Variants in RAC1 observed in about 807,000 individuals in gnomAD.
RAC1 encodes the protein Rac family small GTPase 1, also known as ras-related C3 botulinum toxin substrate 1.
A neutral mutation model predicts 25.2 loss-of-function variants in RAC1; 2 were observed. The observed-to-expected ratio is 0.08, with a 90% CI of 0.03 to 0.25. RAC1 has a LOEUF of 0.25. RAC1 is among the 10% of genes least tolerant of loss of function. The probability of loss-of-function intolerance (pLI) is 1.00; values close to 1 mark genes in which losing one functional copy is unlikely to be tolerated. For synonymous variants in RAC1, 88 were observed against 94.0 expected, an observed-to-expected ratio of 0.94 and a Z score of 0.37; for missense variants, 50 against 235.7, an observed-to-expected ratio of 0.21 and a Z score of 5.16.
At chr7:6,398,495 G>A (rs1783309345) in intron 3 of RAC1, among the ~76,000 whole-genome samples, 1 of 152,218 alleles carries the variant, frequency 6.6e-6, no homozygotes, top group Non-Finnish European at 1.5e-5. Flanking sequence ...AGCGTGGAGT[G>A]TTTCAGTGGC....
chr7:6,397,041 A>AC (rs1465890844), intron 3 of RAC1, among the ~76,000 whole-genome samples: 1 of 104,366 alleles, frequency 9.6e-6, no homozygotes, highest in Non-Finnish European at 2.0e-5. Context: ...AAAAACAAAA[A>AC]AAAAAAAAAA....
chr7:6,403,852 A>T lies in RAC1; in HGVS notation c.*1406A>T. On this transcript the variant is annotated 3_prime_UTR_variant, in exon 6 of 6. Transcript: ENST00000348035. The stretch of plus-strand genomic sequence containing the variant: ...CAGCGTGGGACCCTTCAGCCACTAC[A>T]ACAGAATTTTTTAAATTGACAGTTG... 1 of 223,004 alleles carries T rather than the reference A, an allele frequency of 4.5e-6. No homozygotes were observed. The highest frequency in any genetic ancestry group is 6.5e-5 in the East Asian group (1 of 15,290). 13.8% of individuals were successfully genotyped at this position (223,004 alleles called of 1,614,324 possible).
rs745319427 is a variant in RAC1 at position 6,387,205 on chromosome 7, T to C, written c.36-7T>C. ...GACTAAGCAACCTTTTTTCTCTTTC[T>C]CTTTAGAGCTGTAGGTAAAACTTGC... On this transcript the variant is annotated splice_polypyrimidine_tract_variant and splice_region_variant and intron_variant, in intron 1 of 5. Coordinates refer to ENST00000348035, the MANE Select transcript of RAC1 (RefSeq NM_006908.5). 8 of 1,546,992 alleles carry C rather than the reference T, an allele frequency of 5.2e-6. No individual in the cohort carries two copies. Among genetic ancestry groups the C allele is most frequent in the Admixed American group, 4.3e-5 (2 of 46,862 alleles).
rs527680624 is a variant in RAC1, at chr7:6,403,796, T to A, written c.*1350T>A. 4 of 215,046 alleles carry A rather than the reference T, an allele frequency of 1.9e-5. No homozygotes were observed. The South Asian group carries it at 7.4e-4, about 40-fold the overall frequency. The allele number at this position is 215,046 out of a possible 1,614,324, so 13.3% of individuals were successfully genotyped here. A position where few individuals can be genotyped will look rare whatever the true frequency, so the allele number is the denominator to read the frequency against. On this transcript the variant is annotated 3_prime_UTR_variant, in exon 6 of 6. Coordinates refer to ENST00000348035, the MANE Select transcript of RAC1 (RefSeq NM_006908.5). ...GTAAACTGTGCTAGTGCTGACGATG[T>A]TCTGTACAACTTAACTCACTGGCGA... is the stretch of plus-strand genomic sequence containing the variant.
intron 1 of RAC1, chr7:6,375,826 A>G (rs1453322991): frequency 6.6e-6 from 1 of 152,058 alleles, no homozygotes; most frequent in South Asian, 2.1e-4. Context: ...GAGGAAGACA[A>G]AACTTGTCTT....
chr7:6,381,880 T>C (rs1346755371), intron 1 of RAC1, among the ~76,000 whole-genome samples: 1 of 152,206 alleles, frequency 6.6e-6, no homozygotes, highest in East Asian at 1.9e-4. Context: ...CCCCATACCT[T>C]GTTTGTCAGT....
chr7:6,378,011 C>T (rs192267257), intron 1 of RAC1, among the ~76,000 whole-genome samples: 1 of 152,244 alleles, frequency 6.6e-6, no homozygotes, highest in African/African-American at 2.4e-5. Flanking sequence ...TCCATCCTGC[C>T]CTCCTGTGCC....
chr7:6,376,359 T>G (rs954493504), intron 1 of RAC1, among the ~76,000 whole-genome samples: 10 of 151,604 alleles, frequency 6.6e-5, no homozygotes, highest in Non-Finnish European at 1.0e-4. Flanking sequence ...ATTTTTGTAT[T>G]TTTTAGTAGA....
chr7:6,395,197 C>A (rs562280139), intron 3 of RAC1, among the ~76,000 whole-genome samples: 1 of 152,064 alleles, frequency 6.6e-6, no homozygotes, highest in East Asian at 1.9e-4. Context: ...AACTCCTGAC[C>A]TCAGGTGATC....
At chr7:6,385,153 A>G (rs1288293568) in intron 1 of RAC1, among the ~76,000 whole-genome samples, 1 of 152,134 alleles carries the variant, frequency 6.6e-6, no homozygotes, top group Non-Finnish European at 1.5e-5. Flanking sequence ...TTTGCTGTAC[A>G]TTTCCAGAGC....
At chr7:6,390,205 G>A (rs1223753135) in intron 2 of RAC1, among the ~76,000 whole-genome samples, 1 of 146,214 alleles carries the variant, frequency 6.8e-6, no homozygotes, top group Non-Finnish European at 1.5e-5. Flanking sequence ...TCCACTGCAC[G>A]TAGCCTGATG....
rs561222787 is a variant in RAC1, at chr7:6,396,494, C to T, written c.226-3632C>T. On this transcript the variant is annotated intron_variant, in intron 3 of 5. Coordinates refer to ENST00000348035, the MANE Select transcript of RAC1 (RefSeq NM_006908.5). ...ACGCCGGGTGGAAAGTGGAACTGCT[C>T]GCTCCTGTCGTGTGTGTCTCTTCTC... Among the ~76,000 whole-genome samples, 6 of 152,244 alleles carry T rather than the reference C, an allele frequency of 3.9e-5. No individual in the cohort carries two copies. The East Asian group carries it at 5.8e-4, about 15-fold the overall frequency.
chr7:6,398,715 T>G, intron 3 of RAC1: 11 of 1,613,692 alleles, frequency 6.8e-6, no homozygotes, highest in Non-Finnish European at 9.3e-6. Context: ...ACAAGCCGAT[T>G]GCCGTATGTA....
chr7:6,399,175 G>A (rs910678201), intron 3 of RAC1, among the ~76,000 whole-genome samples: 1 of 152,154 alleles, frequency 6.6e-6, no homozygotes, highest in Admixed American at 6.6e-5. Flanking sequence ...TGGGTGCCGC[G>A]GTGATTCTTG....
chr7:6,394,930 C>G (rs570282231), intron 3 of RAC1, among the ~76,000 whole-genome samples: 2 of 152,308 alleles, frequency 1.3e-5, no homozygotes, highest in South Asian at 4.1e-4. Flanking sequence ...TCTTGGCTCA[C>G]TGCAAGCTTC....
chr7:6,400,624 C>A (rs1258150962), intron 4 of RAC1, among the ~76,000 whole-genome samples: 1 of 152,068 alleles, frequency 6.6e-6, no homozygotes, highest in East Asian at 1.9e-4. Flanking sequence ...CTGCATCTGG[C>A]CCATCAGCAG....
chr7:6,374,597 G>A lies in RAC1; in HGVS notation c.-139G>A, dbSNP rs1200023346. The A allele has an allele frequency of 2.7e-6, 1 of 369,430 alleles. No individual in the cohort carries two copies. The highest frequency in any genetic ancestry group is 1.0e-4 in the South Asian group (1 of 9,564). The allele number at this position is 369,430 out of a possible 1,614,324, so 22.9% of individuals were successfully genotyped here. A position where few individuals can be genotyped will look rare whatever the true frequency, so the allele number is the denominator to read the frequency against. On this transcript the variant is annotated 5_prime_UTR_variant, in exon 1 of 6. Coordinates refer to ENST00000348035, the MANE Select transcript of RAC1 (RefSeq NM_006908.5). The stretch of plus-strand genomic sequence containing the variant: ...GGGCATCGGCTTCCAGTCCGCGGAG[G>A]GCGAGGCGGCGTGGACAGCGGCCCC...
intron 5 of RAC1, 94 bp downstream of exon 5, chr7:6,402,121 C>T: frequency 6.8e-7 from 1 of 1,469,206 alleles, no homozygotes; most frequent in Non-Finnish European, 9.3e-7. Flanking sequence ...TGTGTGTCTC[C>T]CACTCAGGGC....
At chr7:6,379,490 C>G (rs935766480) in intron 1 of RAC1, among the ~76,000 whole-genome samples, 2 of 152,034 alleles carry the variant, frequency 1.3e-5, no homozygotes, top group Non-Finnish European at 2.9e-5. Context: ...CCAGGTTGGT[C>G]TCAAACGCCT....
Sources: allele counts gnomAD v4.1 joint callset (sites outside exome capture counted in the v4.1 genomes callset), GRCh38; gene constraint gnomAD v4.1.1; transcripts MANE v1.5; gene names NCBI Gene and HGNC (gene_info 2026-07-23, HGNC 2026-07-21).